The following LIMK2 variants were observed in gnomAD, a reference collection of about 807,000 sequenced individuals.
LIMK2 encodes the protein LIM domain kinase 2.
LIMK2 carries 35 observed loss-of-function variants against 75.7 expected under a neutral mutation model. The observed-to-expected ratio is 0.46, with a 90% CI of 0.35 to 0.61. The LOEUF is 0.61. Ranked by LOEUF, LIMK2 falls within the 20% of genes least tolerant of loss-of-function variation. LIMK2 has a pLI of 0.00. For missense variants in LIMK2, 623 were observed against 831.0 expected (o/e 0.75, Z 3.08); for synonymous variants, 301 against 319.2 (o/e 0.94, Z 0.61).
chr22:31,253,382 G>C (rs187467073), intron 2 of LIMK2, among the ~76,000 whole-genome samples: 4 of 152,240 alleles, frequency 2.6e-5, no homozygotes, highest in Non-Finnish European at 5.9e-5. Context: ...GGACATGTTC[G>C]AGTAGCACCT....
rs1800754121 is a variant in LIMK2, at chr22:31,262,988, G to A, written c.854+197G>A. On this transcript the variant is annotated intron_variant, in intron 7 of 15. Transcript: ENST00000331728. This position sits in a 1 kb window ranked among gnomAD's most constrained non-coding sequence, Gnocchi z 5.0. The stretch of plus-strand genomic sequence containing the variant: ...CTGTGCGGACCCAGCTGTCTGCCAG[G>A]TTTCCTTAGAAACCTGAGAGTCAGT... 1.3e-5 allele frequency among the ~76,000 whole-genome samples: 2 copies of A among 152,170 alleles called. No individual in the cohort carries two copies. Among genetic ancestry groups the A allele is most frequent in the African/African-American group, 2.4e-5 (1 of 41,442 alleles).
Position 31,278,975 on chromosome 22 carries a change from G to C in LIMK2, c.*534G>C, listed in dbSNP as rs2049059462. On this transcript the variant is annotated 3_prime_UTR_variant, in exon 16 of 16. Coordinates refer to ENST00000331728, the MANE Select transcript of LIMK2 (RefSeq NM_005569.4). ...CCAGATCCTGTCCTTCCTGGAGCAA[G>C]GTTGAGGGAGTAGGTTTTGAAGAGT... 6.6e-6 allele frequency: 1 copy of C among 152,398 alleles called. No homozygotes were observed. The highest frequency in any genetic ancestry group is 2.4e-5 in the African/African-American group (1 of 41,472). 9.4% of individuals were successfully genotyped at this position (152,398 alleles called of 1,614,324 possible).
chr22:31,221,098 AC>A (rs2048429909), intron 1 of LIMK2, among the ~76,000 whole-genome samples: 1 of 152,202 alleles, frequency 6.6e-6, no homozygotes, highest in Admixed American at 6.5e-5. Flanking sequence ...TCAAAATGTA[AC>A]TAGAGCATTC....
chr22:31,221,380 A>G (rs746770197), intron 1 of LIMK2, among the ~76,000 whole-genome samples: 3 of 149,390 alleles, frequency 2.0e-5, no homozygotes, highest in Non-Finnish European at 3.0e-5. Context: ...TTTAGAGCTC[A>G]GCTTGGAAAT....
chr22:31,236,858 A>G (rs1042598274), intron 2 of LIMK2, among the ~76,000 whole-genome samples: 3 of 151,514 alleles, frequency 2.0e-5, no homozygotes, highest in African/African-American at 7.3e-5. Context: ...CGGAGGTTGC[A>G]GTGGGCCAAC....
At chr22:31,250,419 C>A (rs2123817849) in intron 2 of LIMK2, among the ~76,000 whole-genome samples, 2 of 152,260 alleles carry the variant, frequency 1.3e-5, no homozygotes, top group East Asian at 3.9e-4. Context: ...TCAACCTGAA[C>A]CTTTAAGGGC....
chr22:31,244,296 A>C (rs1464130715), intron 2 of LIMK2, among the ~76,000 whole-genome samples: 1 of 152,244 alleles, frequency 6.6e-6, no homozygotes, highest in Non-Finnish European at 1.5e-5. Context: ...TACTGTGTTC[A>C]TCACATGGAA....
Position 31,276,448 on chromosome 22 carries a change from C to T in LIMK2, c.1772+1140C>T, listed in dbSNP as rs1269535256. 5.8e-5 allele frequency among the ~76,000 whole-genome samples: 7 copies of T among 121,544 alleles called. No individual in the cohort carries two copies. In the South Asian group the frequency reaches 1.8e-3, roughly 32 times the overall value. 79.7% of individuals were successfully genotyped at this position (121,544 alleles called of 152,430 possible). A position where few individuals can be genotyped will look rare whatever the true frequency, so the allele number is the denominator to read the frequency against. ...AAAAATGGTTTCCGGATAGAGAAAG[C>T]GCTTCGGCGGCGGCAGCCCCGGCGG... On this transcript the variant is annotated intron_variant, in intron 15 of 15. Coordinates refer to ENST00000331728, the MANE Select transcript of LIMK2 (RefSeq NM_005569.4).
At position 31,259,018 on chromosome 22, in the gene LIMK2, G is replaced by A. The variant is rs367588468; in HGVS notation, c.253-103G>A. 7 of 670,122 alleles carry A rather than the reference G, an allele frequency of 1.0e-5. No homozygotes were observed. In the Admixed American group the frequency reaches 1.1e-4, roughly 10 times the overall value. The allele number at this position is 670,122 out of a possible 1,614,324, so 41.5% of individuals were successfully genotyped here. A position where few individuals can be genotyped will look rare whatever the true frequency, so the allele number is the denominator to read the frequency against. ...AGTGAAAGAGTGGATTTTGACGGGG[G>A]CCTTGCTTGGAGGTCATTCACCCAC... is the stretch of plus-strand genomic sequence containing the variant. On this transcript the variant is annotated intron_variant, in intron 3 of 15. Coordinates refer to ENST00000331728, the MANE Select transcript of LIMK2 (RefSeq NM_005569.4).
intron 15 of LIMK2, chr22:31,277,122 C>T (rs2049036840): frequency 6.2e-7 from 1 of 1,613,750 alleles, no homozygotes; most frequent in South Asian, 1.1e-5. Context: ...AGAAGCTGAG[C>T]ACACCCCAGA....
At chr22:31,254,116 G>A (rs1455321471) in intron 2 of LIMK2, among the ~76,000 whole-genome samples, 1 of 152,222 alleles carries the variant, frequency 6.6e-6, no homozygotes, top group Non-Finnish European at 1.5e-5. Flanking sequence ...CTCCAGCCAG[G>A]TGTTCTTCCC....
At position 31,278,366 on chromosome 22, in the gene LIMK2, G is replaced by T. The variant is rs780796637; in HGVS notation, c.1842G>T (p.Pro614=). The T allele has an allele frequency of 6.2e-7, 1 of 1,613,764 alleles. No individual in the cohort carries two copies. Among genetic ancestry groups the T allele is most frequent in the Non-Finnish European group, 8.5e-7 (1 of 1,179,836 alleles). The change falls in exon 16 of 16, where the codon CCG becomes CCT. Residue 614 remains proline (P), a synonymous_variant. Coordinates refer to ENST00000331728, the MANE Select transcript of LIMK2 (RefSeq NM_005569.4). ...TGTACCTGGGGGAGCTGGGCATCCC[G>T]CTGCCTGCAGAGCTGGAGGAGTTGG... ...LSLYLGELGI[P]LPAELEELDH...
intron 13 of LIMK2, 77 bp from the exon 14 acceptor site, chr22:31,273,375 C>A: frequency 6.0e-6 from 8 of 1,334,226 alleles, no homozygotes; most frequent in Non-Finnish European, 8.6e-6. Context: ...TTAGCTGTGG[C>A]TTAGATTGAC....
intron 2 of LIMK2, among the ~76,000 whole-genome samples, chr22:31,252,048 T>C (rs1026267815): frequency 6.6e-6 from 1 of 152,232 alleles, no homozygotes; most frequent in Non-Finnish European, 1.5e-5. Flanking sequence ...GTAAATCCAC[T>C]GCAATAATGA....
chr22:31,273,492 G>C lies in LIMK2; in HGVS notation c.1599G>C (p.Gly533=). 1 of 1,613,938 alleles carries C rather than the reference G, an allele frequency of 6.2e-7. No individual in the cohort carries two copies. The highest frequency in any genetic ancestry group is 8.5e-7 in the Non-Finnish European group (1 of 1,179,874). Residue 533 remains glycine, a synonymous_variant, in exon 14 of 16, where the codon GGG becomes GGC. Transcript: ENST00000331728. ...YDETVDIFSF[G]IVLCEIIGQV... ...AGACGGTGGATATCTTCTCCTTTGGGATCGTTCTCTGTGAGGTGAGCTCTG... is the reference window on the plus strand; with the variant it reads ...AGACGGTGGATATCTTCTCCTTTGGCATCGTTCTCTGTGAGGTGAGCTCTG...
At chr22:31,237,616 C>T (rs1461199866) in intron 2 of LIMK2, among the ~76,000 whole-genome samples, 3 of 151,652 alleles carry the variant, frequency 2.0e-5, no homozygotes, top group Non-Finnish European at 4.4e-5. Context: ...TACAACCTAC[C>T]CTCACAGTAT....
intron 2 of LIMK2, among the ~76,000 whole-genome samples, chr22:31,250,363 A>T (rs1238956510): frequency 6.6e-6 from 1 of 152,142 alleles, no homozygotes; most frequent in East Asian, 1.9e-4. Flanking sequence ...GCCAGGGAGG[A>T]CACAACTTCT....
chr22:31,262,181 C>G lies in LIMK2; in HGVS notation c.599C>G (p.Pro200Arg). Residue 200 changes from proline (P) to arginine (R), a missense_variant, in exon 6 of 16, where the codon CCT becomes CGT. Transcript: ENST00000331728. This position sits in a 1 kb window ranked among gnomAD's most constrained non-coding sequence, Gnocchi z 5.0. ...ISPNNRNAIH[P>R]GDRILEINGT... is the part of the protein sequence containing the mutation. ...CCCAACAATCGAAACGCCATCCACC[C>G]TGGGGACCGCATCCTGGAGATCAAT... 1 of 1,614,214 alleles carries G rather than the reference C, an allele frequency of 6.2e-7. No individual in the cohort carries two copies. The highest frequency in any genetic ancestry group is 2.2e-5 in the East Asian group (1 of 44,890).
intron 1 of LIMK2, among the ~76,000 whole-genome samples, chr22:31,218,534 T>C (rs1373017452): frequency 6.6e-6 from 1 of 151,466 alleles, no homozygotes; most frequent in Non-Finnish European, 1.5e-5. Flanking sequence ...TCATCTAATC[T>C]TTTTTTTTCC....
Sources: allele counts gnomAD v4.1 joint callset (sites outside exome capture counted in the v4.1 genomes callset), GRCh38; gene constraint gnomAD v4.1.1; non-coding constraint Gnocchi (gnomAD v3.1); transcripts MANE v1.5; gene names NCBI Gene and HGNC (gene_info 2026-07-23, HGNC 2026-07-21).